Variants in NOL4L observed in about 807,000 individuals in gnomAD.
The protein encoded by NOL4L is nucleolar protein 4-like.
Under a neutral mutation model 64.5 loss-of-function variants are expected in NOL4L, and 7 were observed. The ratio of observed to expected loss-of-function variants is 0.11; its 90% CI spans 0.06 to 0.20. The LOEUF is 0.20. NOL4L is among the 10% of genes least tolerant of loss of function. NOL4L has a pLI of 1.00. For synonymous variants in NOL4L, 413 were observed against 401.0 expected, an observed-to-expected ratio of 1.03 and a Z score of -0.36; for missense variants, 680 against 967.1, an observed-to-expected ratio of 0.70 and a Z score of 3.94.
chr20:32,494,295 A>G (rs2016599409), intron 4 of NOL4L, among the ~76,000 whole-genome samples: 2 of 146,488 alleles, frequency 1.4e-5, no homozygotes, highest in African/African-American at 5.1e-5. Context: ...CACAACACAC[A>G]CACACACACA....
intron 1 of NOL4L, among the ~76,000 whole-genome samples, chr20:32,562,941 T>G (rs1050704157): frequency 6.7e-3 from 12 of 1,788 alleles, no homozygotes; most frequent in African/African-American, 0.016. Flanking sequence ...AGAAGGAGGG[T>G]GGAGGGGAGG....
intron 1 of NOL4L, among the ~76,000 whole-genome samples, chr20:32,537,438 GCCT>G (rs1196992469): frequency 6.6e-6 from 1 of 152,202 alleles, no homozygotes; most frequent in Non-Finnish European, 1.5e-5. Flanking sequence ...AGCACTCACG[GCCT>G]CGTTTCACTT....
intron 4 of NOL4L, among the ~76,000 whole-genome samples, chr20:32,494,262 A>C (rs1175307418): frequency 1.6e-5 from 1 of 64,118 alleles, no homozygotes; most frequent in South Asian, 6.2e-4. Context: ...GGAAAAAAAA[A>C]AAAAAAAAAA....
chr20:32,488,857 T>C (rs1281591723), intron 4 of NOL4L, among the ~76,000 whole-genome samples: 7 of 103,804 alleles, frequency 6.7e-5, no homozygotes, highest in African/African-American at 2.8e-4. Context: ...CTTTCTTTCT[T>C]TCTTTCTTTC....
intron 3 of NOL4L, among the ~76,000 whole-genome samples, chr20:32,512,206 C>T (rs964520406): frequency 1.7e-4 from 26 of 152,176 alleles, no homozygotes; most frequent in Non-Finnish European, 2.1e-4. Flanking sequence ...CCACAGTCCC[C>T]ACCACTCCTT....
intron 1 of NOL4L, among the ~76,000 whole-genome samples, chr20:32,551,463 T>C (rs1206096935): frequency 6.6e-6 from 1 of 152,308 alleles, no homozygotes; most frequent in African/African-American, 2.4e-5. Flanking sequence ...ATGTGGTCCA[T>C]TGTTGACCAA....
chr20:32,583,477 G>T (rs1038200142), intron 1 of NOL4L, among the ~76,000 whole-genome samples: 1 of 147,612 alleles, frequency 6.8e-6, no homozygotes, highest in Non-Finnish European at 1.5e-5. Flanking sequence ...GGGAGCGGGG[G>T]AGGGAGGGAG....
intron 10 of NOL4L, among the ~76,000 whole-genome samples, chr20:32,451,888 C>A (rs1305909752): frequency 2.0e-5 from 3 of 152,190 alleles, no homozygotes; most frequent in Admixed American, 1.3e-4. Flanking sequence ...CAAGAACAGG[C>A]CCTTGGCTGG....
intron 4 of NOL4L, among the ~76,000 whole-genome samples, chr20:32,485,063 A>AAAAAAAAAAAAAAAAAAAAAAAAAAAAAC: frequency 7.8e-6 from 1 of 128,088 alleles, no homozygotes. Context: ...ATTGCCAAAA[A>AAAAAAAAAAAAAAAAAAAAAAAAAAAAAC]AAAAAAAAAA....
intron 9 of NOL4L, 30 bp downstream of exon 9, chr20:32,452,851 AGCG>A: frequency 1.2e-6 from 2 of 1,611,478 alleles, no homozygotes; most frequent in Non-Finnish European, 1.7e-6. Context: ...GCTGCCCAGG[AGCG>A]GCCCCTGTAG....
chr20:32,473,038 C>G (rs2015132254), intron 5 of NOL4L, among the ~76,000 whole-genome samples: 1 of 152,188 alleles, frequency 6.6e-6, no homozygotes, highest in Non-Finnish European at 1.5e-5. Context: ...CTACCTGATC[C>G]TGACAGCCCC....
At chr20:32,576,586 C>T (rs547155174) in intron 1 of NOL4L, among the ~76,000 whole-genome samples, 28 of 152,296 alleles carry the variant, frequency 1.8e-4, no homozygotes, top group Non-Finnish European at 3.1e-4. Flanking sequence ...GCCTTAGTTT[C>T]CCCATCTGCA....
intron 10 of NOL4L, among the ~76,000 whole-genome samples, chr20:32,448,724 G>A (rs1266179363): frequency 6.6e-6 from 1 of 152,230 alleles, no homozygotes; most frequent in African/African-American, 2.4e-5. Flanking sequence ...CAAAGAGGGA[G>A]CCTGCCATCT....
intron 1 of NOL4L, among the ~76,000 whole-genome samples, chr20:32,551,795 A>T (rs1020696789): frequency 3.4e-5 from 5 of 148,336 alleles, no homozygotes; most frequent in African/African-American, 4.9e-5. Context: ...TGTATTTATT[A>T]TTTTTTTTTT....
intron 5 of NOL4L, among the ~76,000 whole-genome samples, chr20:32,471,690 C>T (rs986234676): frequency 6.6e-6 from 1 of 151,960 alleles, no homozygotes; most frequent in African/African-American, 2.4e-5. Context: ...TGGAGGTGGG[C>T]CTGGTGGGAG....
At chr20:32,500,800 G>A (rs950994021) in intron 4 of NOL4L, among the ~76,000 whole-genome samples, 2 of 151,982 alleles carry the variant, frequency 1.3e-5, no homozygotes, top group African/African-American at 4.8e-5. Context: ...AAAGAGCACA[G>A]GAAACAACTG....
intron 2 of NOL4L, among the ~76,000 whole-genome samples, chr20:32,521,123 A>C (rs1261234692): frequency 6.6e-6 from 1 of 152,232 alleles, no homozygotes; most frequent in African/African-American, 2.4e-5. Context: ...ATTTGTTTTA[A>C]AAATCGCAAT....
At chr20:32,565,912 G>T (rs1979398624) in intron 1 of NOL4L, among the ~76,000 whole-genome samples, 1 of 140,416 alleles carries the variant, frequency 7.1e-6, no homozygotes, top group African/African-American at 3.2e-5. Flanking sequence ...AATTAGTTGG[G>T]TGTGGTGATG....
At chr20:32,538,736 T>C (rs1158972514) in intron 1 of NOL4L, among the ~76,000 whole-genome samples, 1 of 152,082 alleles carries the variant, frequency 6.6e-6, no homozygotes, top group African/African-American at 2.4e-5. Flanking sequence ...CTGCCTAAAT[T>C]TGGCTCCAGG....
Sources: gnomAD v4.1 joint callset for allele counts (sites outside exome capture counted in the v4.1 genomes callset) on GRCh38, gnomAD v4.1.1 for gene constraint, MANE v1.5 for transcripts, NCBI Gene and HGNC (gene_info 2026-07-23, HGNC 2026-07-21) for gene names.